ATR: variants seen among roughly 807,000 people sequenced by gnomAD.
ATR encodes ATR checkpoint kinase.
Under a neutral mutation model 305.3 loss-of-function variants are expected in ATR, and 142 were observed. The ratio of observed to expected loss-of-function variants is 0.47; its 90% CI spans 0.41 to 0.53. ATR has a LOEUF of 0.53. Ranked by LOEUF, ATR falls within the 20% of genes least tolerant of loss-of-function variation. ATR has a pLI of 0.00. For missense variants in ATR, 2,135 were observed against 3,133.1 expected, an observed-to-expected ratio of 0.68 and a Z score of 7.60; for synonymous variants, 1,050 against 1,068.1, an observed-to-expected ratio of 0.98 and a Z score of 0.33.
chr3:142,450,853 G>T (rs900610092), intron 46 of ATR: 31 of 1,346,724 alleles, frequency 2.3e-5, no homozygotes, highest in Admixed American at 2.9e-5. Context: ...ATTTCTGGAA[G>T]TGTTCTCCGA....
At chr3:142,531,590 C>T (rs890288040) in intron 21 of ATR, among the ~76,000 whole-genome samples, 1 of 152,104 alleles carries the variant, frequency 6.6e-6, no homozygotes, top group Non-Finnish European at 1.5e-5. Context: ...TGAACTCATC[C>T]TTTTTTATGG....
chr3:142,543,239 G>A (rs546118880), intron 16 of ATR, among the ~76,000 whole-genome samples: 1 of 152,256 alleles, frequency 6.6e-6, no homozygotes, highest in South Asian at 2.1e-4. Context: ...GGAAGTAACA[G>A]GGGAAAAGAG....
rs2108470901 is a variant in ATR at position 142,555,985 on chromosome 3, A to G, written c.2233T>C (p.Leu745=). Residue 745 remains leucine (L), a synonymous_variant, in exon 10 of 47, where the codon TTG becomes CTG. Transcript: ENST00000350721. ...CATTCATGTTGAGAAGTGGCTTTCA[A>G]GTTCCTACAGAAGAGGTCCACATGT... ...HGHVDLFCRN[L]KATSQHECSS... The G allele has an allele frequency of 6.2e-7, 1 of 1,614,090 alleles. No individual in the cohort carries two copies. The highest frequency in any genetic ancestry group is 8.5e-7 in the Non-Finnish European group (1 of 1,179,978).
In ATR at chr3:142,449,466, A is replaced by T; in HGVS notation, c.7898T>A (p.Leu2633Gln). 6.2e-7 allele frequency: 1 copy of T among 1,612,590 alleles called. No homozygotes were observed. Among genetic ancestry groups the T allele is most frequent in the Non-Finnish European group, 8.5e-7 (1 of 1,178,526 alleles). ...LIQEATDENL[L>Q]CQMYLGWTPY... ...AGTCCAACCAAGATACATCTGGCATAGTAAGTTTTCATCAGTAGCTTCCTG... is the reference window on the plus strand; with the variant it reads ...AGTCCAACCAAGATACATCTGGCATTGTAAGTTTTCATCAGTAGCTTCCTG... Residue 2633 changes from leucine to glutamine, a missense_variant, in exon 47 of 47, where the codon CTA becomes CAA. By Grantham distance (113) the Leu-to-Gln change is moderately radical (BLOSUM62 -2). This residue lies in a region of ATR where 462 missense variants were observed against 887.6 expected (regional missense o/e 0.52). Coordinates refer to ENST00000350721, the MANE Select transcript of ATR (RefSeq NM_001184.4).
At chr3:142,473,570 T>G (rs2071351999) in intron 36 of ATR, among the ~76,000 whole-genome samples, 1 of 150,804 alleles carries the variant, frequency 6.6e-6, no homozygotes, top group Non-Finnish European at 1.5e-5. Flanking sequence ...TTTAGAGACA[T>G]AGTCTCAGTC....
At position 142,562,765 on chromosome 3, in the gene ATR, G is replaced by C. The variant is rs1333914311; in HGVS notation, c.637C>G (p.Leu213Val). ...EFIEVTLLMV[L>V]TRIIAIVFFR... Reference sequence around the variant, plus strand: ...AACACAATTGCAATAATACGAGTAAGAACCATTAATAAAGTGACTTCAATA... The same window carrying C: ...AACACAATTGCAATAATACGAGTAACAACCATTAATAAAGTGACTTCAATA... The change falls in exon 4 of 47, where the codon CTT becomes GTT. Residue 213 changes from leucine (L) to valine (V), a missense_variant. By Grantham distance (32) the Leu-to-Val change is conservative. This residue lies in a region of ATR where 744 missense variants were observed against 873.2 expected (regional missense o/e 0.85). Coordinates refer to ENST00000350721, the MANE Select transcript of ATR (RefSeq NM_001184.4). 7.4e-6 allele frequency: 12 copies of C among 1,611,276 alleles called. No individual in the cohort carries two copies. In the South Asian group the frequency reaches 1.1e-4, roughly 15 times the overall value.
At chr3:142,572,094 G>A (rs2035285245) in intron 1 of ATR, among the ~76,000 whole-genome samples, 1 of 148,396 alleles carries the variant, frequency 6.7e-6, no homozygotes, top group South Asian at 2.1e-4. Context: ...TTTTGAGACG[G>A]AGTCTCGCTC....
intron 1 of ATR, among the ~76,000 whole-genome samples, chr3:142,575,749 G>A (rs2035416083): frequency 6.6e-6 from 1 of 152,214 alleles, no homozygotes. Flanking sequence ...CCAGTGTTCA[G>A]ATAGAAGGAA....
intron 29 of ATR, among the ~76,000 whole-genome samples, chr3:142,504,451 T>C (rs1197378821): frequency 3.3e-5 from 5 of 152,008 alleles, no homozygotes; most frequent in East Asian, 1.9e-4. Context: ...CATATAAATA[T>C]AGTATTGGAA....
At chr3:142,500,591 T>C (rs1255320860) in intron 30 of ATR, among the ~76,000 whole-genome samples, 1 of 152,168 alleles carries the variant, frequency 6.6e-6, no homozygotes, top group Non-Finnish European at 1.5e-5. Context: ...CTGGAATCAA[T>C]ATCCTCAAAA....
At chr3:142,573,331 T>C (rs2035334137) in intron 1 of ATR, among the ~76,000 whole-genome samples, 1 of 151,476 alleles carries the variant, frequency 6.6e-6, no homozygotes, top group African/African-American at 2.4e-5. Flanking sequence ...CCTATAATCC[T>C]AGTTACTTGG....
At chr3:142,524,231 T>C in intron 21 of ATR, 32 bp from the exon 22 acceptor site, 5 of 1,549,472 alleles carry the variant, frequency 3.2e-6, no homozygotes, top group Non-Finnish European at 4.4e-6. Context: ...AATTTATACG[T>C]AATTTCTACA....
At chr3:142,473,628 C>T (rs1004004583) in intron 36 of ATR, among the ~76,000 whole-genome samples, 1 of 151,776 alleles carries the variant, frequency 6.6e-6, no homozygotes, top group Non-Finnish European at 1.5e-5. Flanking sequence ...TCACTGTAAC[C>T]TCCACCTCCC....
intron 46 of ATR, chr3:142,450,114 T>G: frequency 2.0e-5 from 6 of 301,070 alleles, no homozygotes; most frequent in Non-Finnish European, 2.5e-5. Context: ...TGGGCTGCGC[T>G]GCAGCCCACG....
chr3:142,535,413 G>A (rs1450212993), intron 20 of ATR, among the ~76,000 whole-genome samples: 7 of 151,952 alleles, frequency 4.6e-5, no homozygotes, highest in Admixed American at 4.6e-4. Flanking sequence ...TGTTAGACCT[G>A]GAGAAAAATT....
intron 36 of ATR, among the ~76,000 whole-genome samples, chr3:142,471,785 T>A (rs1196842920): frequency 6.6e-6 from 1 of 152,188 alleles, no homozygotes; most frequent in African/African-American, 2.4e-5. Flanking sequence ...ATACAAAACA[T>A]TTGTTAACTA....
intron 22 of ATR, among the ~76,000 whole-genome samples, chr3:142,523,251 C>T (rs2033229383): frequency 6.6e-6 from 1 of 152,072 alleles, no homozygotes. Flanking sequence ...GAAAGCCCAT[C>T]TCTACTAAAA....
At chr3:142,520,050 C>T (rs748176237) in intron 23 of ATR, among the ~76,000 whole-genome samples, 5 of 151,998 alleles carry the variant, frequency 3.3e-5, no homozygotes, top group Non-Finnish European at 4.4e-5. Flanking sequence ...TGTCGCATTT[C>T]GGTAATTCTC....
In ATR at chr3:142,457,671, C is replaced by T. The variant is rs914247885; in HGVS notation, c.7588G>A (p.Gly2530Ser). The T allele has an allele frequency of 6.2e-7, 1 of 1,613,980 alleles. No individual in the cohort carries two copies. Among genetic ancestry groups the T allele is most frequent in the Non-Finnish European group, 8.5e-7 (1 of 1,179,956 alleles). Residue 2530 changes from glycine to serine, a missense_variant, in exon 45 of 47, where the codon GGT (glycine) becomes AGT (serine). By Grantham distance (56) the Gly-to-Ser change is moderately conservative. Coordinates refer to ENST00000350721, the MANE Select transcript of ATR (RefSeq NM_001184.4). ...VNGMGPMGTE[G>S]LFRRACEVTM... ...ACTTCACATGCTCTTCGAAAAAGAC[C>T]CTCTGTTCCCATAGGACCCATTCCA...
Sources: gnomAD v4.1 joint callset for allele counts (sites outside exome capture counted in the v4.1 genomes callset) on GRCh38, gnomAD v4.1.1 for gene constraint, gnomAD v4.1.1 regional missense constraint, MANE v1.5 for transcripts, NCBI Gene and HGNC (gene_info 2026-07-23, HGNC 2026-07-21) for gene names.